The following IL23R variants were observed in gnomAD, a reference collection of about 807,000 sequenced individuals.
IL23R encodes interleukin 23 receptor.
A neutral mutation model predicts 56.9 loss-of-function variants in IL23R; 34 were observed. The ratio of observed to expected loss-of-function variants is 0.60; its 90% CI spans 0.45 to 0.80. IL23R has a LOEUF of 0.80. Among genes scored for constraint, IL23R ranks in the 30% least tolerant of loss-of-function variants. The pLI, the probability that IL23R is intolerant of heterozygous loss-of-function variation, is 0.00. For missense variants in IL23R, 635 were observed against 730.0 expected (o/e 0.87, Z 1.50); for synonymous variants, 230 against 249.2 (o/e 0.92, Z 0.73).
chr1:67,198,935 A>T (rs1042515477), intron 4 of IL23R, among the ~76,000 whole-genome samples: 3 of 152,014 alleles, frequency 2.0e-5, no homozygotes, highest in Non-Finnish European at 4.4e-5. Context: ...ACAGAGCCAG[A>T]CCCTGTCTCA....
intron 9 of IL23R, among the ~76,000 whole-genome samples, chr1:67,250,434 G>T (rs544858969): frequency 6.6e-6 from 1 of 152,218 alleles, no homozygotes; most frequent in South Asian, 2.1e-4. Context: ...AGGGGAGCAT[G>T]GCTAATTCCA....
At chr1:67,155,414 C>T (rs10789225) in intron 1 of IL23R, among the ~76,000 whole-genome samples, 1 of 151,976 alleles carries the variant, frequency 6.6e-6, no homozygotes, top group Non-Finnish European at 1.5e-5. Flanking sequence ...CTCCCTGTCT[C>T]TTTCAGGTAC....
chr1:67,248,117 CT>C (rs1445865989), intron 9 of IL23R, among the ~76,000 whole-genome samples: 2 of 152,050 alleles, frequency 1.3e-5, no homozygotes, highest in African/African-American at 4.8e-5. Context: ...CCAGGAATAT[CT>C]TTGTGGTGTT....
intron 10 of IL23R, among the ~76,000 whole-genome samples, chr1:67,257,715 T>C (rs1443874618): frequency 6.6e-6 from 1 of 152,186 alleles, no homozygotes; most frequent in Non-Finnish European, 1.5e-5. Context: ...TTGTTGTTTT[T>C]TGTTTTGAGA....
chr1:67,247,586 G>A (rs1570920982), intron 9 of IL23R, among the ~76,000 whole-genome samples: 3 of 152,174 alleles, frequency 2.0e-5, no homozygotes, highest in Non-Finnish European at 4.4e-5. Context: ...TTACAGGCAT[G>A]AGCCACCGTG....
intron 4 of IL23R, among the ~76,000 whole-genome samples, chr1:67,190,872 G>A (rs918857496): frequency 6.6e-6 from 1 of 152,184 alleles, no homozygotes; most frequent in Non-Finnish European, 1.5e-5. Context: ...CATAAGGCCT[G>A]TTTGTTTTTG....
Position 67,258,526 on chromosome 1 carries a change from G to A in IL23R, c.1288G>A (p.Val430Ile). 6.2e-7 allele frequency: 1 copy of A among 1,606,952 alleles called. No individual in the cohort carries two copies. The highest frequency in any genetic ancestry group is 1.1e-5 in the South Asian group (1 of 89,746). The change falls in exon 11 of 11, where the codon GTT (valine) becomes ATT (isoleucine). Residue 430 changes from valine to isoleucine, a missense_variant. Val to Ile is a conservative substitution (Grantham distance 29). Transcript: ENST00000347310. ...TAATTCCAGTGAGCAGGTCCTATAT[G>A]TTGATCCCATGATTACAGAGATAAA... ...NNNSSEQVLYVDPMITEIKEI... is the reference protein window; with the variant it reads ...NNNSSEQVLYIDPMITEIKEI...
rs1323027053 is a variant in IL23R, at chr1:67,227,954, CTTTCTTTCTTTCTTTCTT to C, written c.955+8226_955+8243del. Among the ~76,000 whole-genome samples, 500 of 59,334 alleles carry C rather than the reference CTTTCTTTCTTTCTTTCTT, an allele frequency of 8.4e-3. 128 individuals are homozygous for C. The highest frequency in any genetic ancestry group is 7.4e-3 in the African/African-American group (110 of 14,850). 38.9% of individuals were successfully genotyped at this position (59,334 alleles called of 152,430 possible). A position where few individuals can be genotyped will look rare whatever the true frequency, so the allele number is the denominator to read the frequency against. The stretch of plus-strand genomic sequence containing the variant: ...ACAGAACAAAGATCTTTCTTTCTTT[CTTTCTTTCTTTCTTTCTT>C]TCTTTCTTTCTTTCTTTCTTTCTTT... On this transcript the variant is annotated intron_variant, in intron 7 of 10. Coordinates refer to ENST00000347310, the MANE Select transcript of IL23R (RefSeq NM_144701.3).
intron 10 of IL23R, among the ~76,000 whole-genome samples, chr1:67,256,343 C>A (rs1652947161): frequency 6.6e-6 from 1 of 152,196 alleles, no homozygotes. Context: ...AGAAGGGCAT[C>A]ATTTTACTCT....
chr1:67,197,206 G>T (rs369807101), intron 4 of IL23R, among the ~76,000 whole-genome samples: 2 of 152,160 alleles, frequency 1.3e-5, no homozygotes, highest in South Asian at 4.1e-4. Flanking sequence ...CCAGAAGACA[G>T]GCTTTGGGTA....
At chr1:67,162,891 T>C (rs1646835428), upstream of IL23R, among the ~76,000 whole-genome samples, 1 of 152,148 alleles carries the variant, frequency 6.6e-6, no homozygotes, top group Non-Finnish European at 1.5e-5. Flanking sequence ...AAAGAGCACA[T>C]ATGGAATTTG....
At chr1:67,195,848 T>A (rs557287913) in intron 4 of IL23R, among the ~76,000 whole-genome samples, 1 of 152,330 alleles carries the variant, frequency 6.6e-6, no homozygotes, top group East Asian at 1.9e-4. Flanking sequence ...ACACATCTGC[T>A]TATTGCTTGG....
At chr1:67,171,042 G>A (rs1369925269) in intron 3 of IL23R, among the ~76,000 whole-genome samples, 1 of 152,272 alleles carries the variant, frequency 6.6e-6, no homozygotes. Flanking sequence ...AAATTAAACC[G>A]CAGGCAGACA....
chr1:67,215,179 A>G (rs1017396419), intron 6 of IL23R, among the ~76,000 whole-genome samples: 4 of 152,166 alleles, frequency 2.6e-5, no homozygotes, highest in African/African-American at 9.7e-5. Flanking sequence ...CCTTCCTTCT[A>G]TAACTCGGTG....
At chr1:67,229,467 G>T (rs548162021) in intron 7 of IL23R, among the ~76,000 whole-genome samples, 1 of 152,230 alleles carries the variant, frequency 6.6e-6, no homozygotes, top group South Asian at 2.1e-4. Flanking sequence ...GGCCTTTGGG[G>T]TTTTTTGTAG....
chr1:67,147,934 C>T (rs1242432375), intron 1 of IL23R, among the ~76,000 whole-genome samples: 2 of 152,076 alleles, frequency 1.3e-5, no homozygotes, highest in Non-Finnish European at 2.9e-5. Flanking sequence ...TGGTGGCAAG[C>T]CTTTTGTTCT....
chr1:67,253,185 A>G (rs557081773), intron 9 of IL23R, among the ~76,000 whole-genome samples: 2 of 152,248 alleles, frequency 1.3e-5, no homozygotes, highest in African/African-American at 2.4e-5. Context: ...TTCCTTACCA[A>G]TTGTTTTAGT....
At chr1:67,181,705 C>T (rs140103712) in intron 3 of IL23R, among the ~76,000 whole-genome samples, 3,225 of 152,220 alleles carry the variant, frequency 0.021, 103 homozygotes, top group African/African-American at 0.073. Context: ...GGAGGAGAGG[C>T]GCTCTGATTT....
At chr1:67,238,506 G>T (rs1651641596) in intron 8 of IL23R, among the ~76,000 whole-genome samples, 1 of 152,142 alleles carries the variant, frequency 6.6e-6, no homozygotes, top group South Asian at 2.1e-4. Context: ...ATTTCTGTGG[G>T]ATCAGTGGAG....
Sources: gnomAD v4.1 joint callset for allele counts (sites outside exome capture counted in the v4.1 genomes callset) on GRCh38, gnomAD v4.1.1 for gene constraint, MANE v1.5 for transcripts, NCBI Gene and HGNC (gene_info 2026-07-23, HGNC 2026-07-21) for gene names.